Variants in SLC9C1 observed in about 807,000 individuals in gnomAD.
SLC9C1 encodes the protein sodium/hydrogen exchanger 10.
In SLC9C1, 97 loss-of-function variants were observed where a neutral mutation model predicts 140.9. That is an observed-to-expected ratio of 0.69 (90% CI 0.58 to 0.82). The LOEUF (loss-of-function observed/expected upper bound fraction) is 0.82. Ranked by LOEUF, SLC9C1 falls within the 40% of genes least tolerant of loss-of-function variation. The pLI is 0.00. For missense variants in SLC9C1, 1,340 were observed against 1,389.3 expected, an observed-to-expected ratio of 0.96 and a Z score of 0.56; for synonymous variants, 440 against 442.6, an observed-to-expected ratio of 0.99 and a Z score of 0.07.
chr3:112,175,128 G>C (rs2077312100), intron 23 of SLC9C1, among the ~76,000 whole-genome samples: 1 of 152,228 alleles, frequency 6.6e-6, no homozygotes, highest in Non-Finnish European at 1.5e-5. Context: ...TGGAGGCCCA[G>C]GCCTGGAGGA....
At chr3:112,284,455 G>A (rs780364956) in intron 2 of SLC9C1, among the ~76,000 whole-genome samples, 10 of 152,242 alleles carry the variant, frequency 6.6e-5, no homozygotes, top group South Asian at 2.1e-4. Context: ...TTCAGAAGTC[G>A]GCATGAATTG....
At chr3:112,284,985 CTTTTT>C (rs61428176) in intron 2 of SLC9C1, among the ~76,000 whole-genome samples, 1 of 103,864 alleles carries the variant, frequency 9.6e-6, no homozygotes, top group Non-Finnish European at 1.8e-5. Flanking sequence ...TACAATTTTT[CTTTTT>C]TTTTTTTTTT....
chr3:112,221,677 A>G (rs551063726), intron 13 of SLC9C1, among the ~76,000 whole-genome samples: 29 of 152,154 alleles, frequency 1.9e-4, no homozygotes, highest in African/African-American at 6.7e-4. Flanking sequence ...AAATGATTCT[A>G]TCTTTGTAAC....
chr3:112,264,220 G>A lies in SLC9C1; in HGVS notation c.1002C>T (p.Tyr334=), dbSNP rs750487269. The change falls in exon 9 of 29, where the codon TAC becomes TAT. Residue 334 remains tyrosine, a synonymous_variant. Coordinates refer to ENST00000305815, the MANE Select transcript of SLC9C1 (RefSeq NM_183061.3). ...CTTACCTTAAAACAATCAATGTTAA[G>A]TAGATATTTAATGAATAGTATATAT... ...FVDIYYSLNI[Y]LTLIVLRFLT... The A allele has an allele frequency of 7.3e-6, 9 of 1,234,984 alleles. No homozygotes were observed. The African/African-American group carries it at 1.3e-4, about 18-fold the overall frequency. The allele number at this position is 1,234,984 out of a possible 1,614,324, so 76.5% of individuals were successfully genotyped here. A position where few individuals can be genotyped will look rare whatever the true frequency, so the allele number is the denominator to read the frequency against.
intron 9 of SLC9C1, among the ~76,000 whole-genome samples, chr3:112,263,332 A>C (rs4450780): frequency 1 from 151,261 of 152,018 alleles, 75,258 homozygotes; most frequent in Middle Eastern, 1. Flanking sequence ...AGCATAGTAA[A>C]TTTACATCAT....
Position 112,286,869 on chromosome 3 carries a change from C to CCA in SLC9C1, c.-80_-79dup. Reference sequence around the variant, plus strand: ...CATCCATCTTGTTGTTTTTCACAGTCCATCTGAATCTAAGAAACATAAGAT... The same window carrying CCA: ...CATCCATCTTGTTGTTTTTCACAGTCCACATCTGAATCTAAGAAACATAAGAT... On this transcript the variant is annotated 5_prime_UTR_variant, in exon 2 of 29. An upstream open reading frame in the 5' UTR loses its in-frame stop. Transcript: ENST00000305815. The CCA allele has an allele frequency of 1.1e-6, 1 of 907,410 alleles. No homozygotes were observed. Among genetic ancestry groups the CCA allele is most frequent in the Non-Finnish European group, 1.6e-6 (1 of 620,624 alleles). The allele number at this position is 907,410 out of a possible 1,614,324, so 56.2% of individuals were successfully genotyped here.
At chr3:112,256,357 C>T (rs9827793) in intron 10 of SLC9C1, among the ~76,000 whole-genome samples, 44,864 of 151,922 alleles carry the variant, frequency 0.3, 6,806 homozygotes, top group East Asian at 0.36. Context: ...AATCCAGCAG[C>T]ACATGGAAAA....
intron 23 of SLC9C1, among the ~76,000 whole-genome samples, chr3:112,173,705 C>T (rs2077287140): frequency 6.6e-6 from 1 of 152,168 alleles, no homozygotes; most frequent in South Asian, 2.1e-4. Context: ...AGGTTGATTC[C>T]ATGTCTTTGC....
Position 112,217,492 on chromosome 3 carries a change from T to G in SLC9C1, c.1740A>C (p.Leu580=). The change falls in exon 15 of 29, where the codon CTA becomes CTC. Residue 580 remains leucine (L), a synonymous_variant. Transcript: ENST00000305815. ...TGGTATTATACACCCAATTAAGTAG[T>G]AGTTTTCTAGCAAAGGTAACTGTTT... ...SQKTVTFARK[L]LLNWVYNTRK... is the part of the protein sequence containing the mutation. 1 of 1,610,698 alleles carries G rather than the reference T, an allele frequency of 6.2e-7. No homozygotes were observed. The highest frequency in any genetic ancestry group is 1.7e-4 in the Middle Eastern group (1 of 6,046).
chr3:112,218,407 A>G lies in SLC9C1; in HGVS notation c.1671-846T>C, dbSNP rs775109982. 4.0e-5 allele frequency among the ~76,000 whole-genome samples: 6 copies of G among 148,944 alleles called. No homozygotes were observed. In the East Asian group the frequency reaches 7.9e-4, roughly 20 times the overall value. On this transcript the variant is annotated intron_variant, in intron 14 of 28. Coordinates refer to ENST00000305815, the MANE Select transcript of SLC9C1 (RefSeq NM_183061.3). ...TTCAAAGGTAAACCTTGCCCTTTCT[A>G]TGAATTATAATGTTCTTACTTTAAA...
intron 8 of SLC9C1, among the ~76,000 whole-genome samples, chr3:112,265,543 G>A (rs6792318): frequency 0.29 from 44,702 of 151,856 alleles, 6,757 homozygotes; most frequent in East Asian, 0.35. Flanking sequence ...AAAAACCATG[G>A]TTTACTTTCA....
intron 11 of SLC9C1, among the ~76,000 whole-genome samples, chr3:112,243,244 C>A (rs528151785): frequency 6.6e-6 from 1 of 152,154 alleles, no homozygotes; most frequent in East Asian, 1.9e-4. Context: ...TTCACAATAG[C>A]AAAGAGATGG....
intron 20 of SLC9C1, among the ~76,000 whole-genome samples, chr3:112,193,652 C>T (rs549493805): frequency 1.6e-4 from 25 of 151,864 alleles, no homozygotes; most frequent in Non-Finnish European, 3.5e-4. Context: ...GGGGTATGTC[C>T]ATAAGGTTAA....
chr3:112,243,170 GC>G (rs2079183497), intron 11 of SLC9C1, among the ~76,000 whole-genome samples: 2 of 152,048 alleles, frequency 1.3e-5, no homozygotes, highest in Admixed American at 1.3e-4. Context: ...CCCCAAGATA[GC>G]CAAAGGAAAA....
chr3:112,227,757 G>A, intron 13 of SLC9C1, among the ~76,000 whole-genome samples: 1 of 152,036 alleles, frequency 6.6e-6, no homozygotes, highest in East Asian at 1.9e-4. Context: ...AAAATTAGTA[G>A]CATTTCTACA....
intron 2 of SLC9C1, among the ~76,000 whole-genome samples, chr3:112,283,225 G>A (rs1201672075): frequency 6.6e-6 from 1 of 152,188 alleles, no homozygotes. Context: ...GCTCATGCCT[G>A]TGATCCTTGC....
Position 112,270,028 on chromosome 3 carries a change from C to T in SLC9C1, c.663G>A (p.Leu221=). Residue 221 remains leucine, a synonymous_variant, in exon 7 of 29, where the codon TTG becomes TTA. Transcript: ENST00000305815. The stretch of plus-strand genomic sequence containing the variant: ...TCAGTTTTGAACTTAGAATTCCAAA[C>T]AAGAAACTTGCTATAATATATGAAC... ...GICSYIIASF[L]FGILSSKLIQ... 6.3e-7 allele frequency: 1 copy of T among 1,593,992 alleles called. No homozygotes were observed. Among genetic ancestry groups the T allele is most frequent in the Non-Finnish European group, 8.5e-7 (1 of 1,171,544 alleles).
intron 18 of SLC9C1, among the ~76,000 whole-genome samples, chr3:112,201,352 C>A (rs1379310148): frequency 6.6e-6 from 1 of 151,808 alleles, no homozygotes; most frequent in African/African-American, 2.4e-5. Context: ...CTGTGTGTCT[C>A]CAAATTCAAG....
At chr3:112,271,676 T>C (rs1263941894) in intron 6 of SLC9C1, among the ~76,000 whole-genome samples, 1 of 152,034 alleles carries the variant, frequency 6.6e-6, no homozygotes, top group African/African-American at 2.4e-5. Flanking sequence ...TAGAGATATA[T>C]GAAGGAACAA....
Sources: gnomAD v4.1 joint callset for allele counts (sites outside exome capture counted in the v4.1 genomes callset) on GRCh38, gnomAD v4.1.1 for gene constraint, MANE v1.5 for transcripts, NCBI Gene and HGNC (gene_info 2026-07-23, HGNC 2026-07-21) for gene names.